The following RBFOX3 variants were observed in gnomAD, a reference collection of about 807,000 sequenced individuals.
The protein encoded by RBFOX3 is RNA binding protein fox-1 homolog 3.
RBFOX3 carries 17 observed loss-of-function variants against 48.7 expected under a neutral mutation model. The ratio of observed to expected loss-of-function variants is 0.35; its 90% CI spans 0.24 to 0.52. The LOEUF (loss-of-function observed/expected upper bound fraction) is 0.52. RBFOX3 is among the 20% of genes least tolerant of loss of function. The pLI is 0.94. For synonymous variants in RBFOX3, 212 were observed against 209.5 expected (o/e 1.01, Z -0.10); for missense variants, 382 against 497.5 (o/e 0.77, Z 2.21).
At chr17:79,659,191 C>G in the RBFOX3 span, among the ~76,000 whole-genome samples, 1 of 152,184 alleles carries the variant, frequency 6.6e-6, no homozygotes, top group Non-Finnish European at 1.5e-5. Flanking sequence ...CCGTCTACAA[C>G]CCCCTAACCC....
intron 2 of RBFOX3, among the ~76,000 whole-genome samples, chr17:79,381,123 G>A (rs1242611934): frequency 6.6e-6 from 1 of 152,102 alleles, no homozygotes; most frequent in African/African-American, 2.4e-5. Flanking sequence ...AGCCGGGCAT[G>A]GTGGTGTGTG....
intron 1 of RBFOX3, among the ~76,000 whole-genome samples, chr17:79,544,045 G>T (rs2090071337): frequency 6.6e-6 from 1 of 152,198 alleles, no homozygotes; most frequent in Non-Finnish European, 1.5e-5. Context: ...TGGGCATTGA[G>T]AGCTCCTTTC....
chr17:79,514,984 G>A (rs1002873430), intron 1 of RBFOX3, among the ~76,000 whole-genome samples: 16 of 152,128 alleles, frequency 1.1e-4, no homozygotes, highest in Admixed American at 2.0e-4. Context: ...CCCTAGAGCC[G>A]TCACCTCTTT....
intron 1 of RBFOX3, among the ~76,000 whole-genome samples, chr17:79,494,995 G>A (rs1437105633): frequency 6.6e-6 from 1 of 152,160 alleles, no homozygotes; most frequent in Non-Finnish European, 1.5e-5. Context: ...TTTGGGGGTG[G>A]CTGTCTGTCC....
chr17:79,104,754 G>A (rs2146587345), intron 6 of RBFOX3, among the ~76,000 whole-genome samples: 1 of 152,268 alleles, frequency 6.6e-6, no homozygotes, highest in South Asian at 2.1e-4. Flanking sequence ...AGGACCCCTG[G>A]TTGGGAAATG....
At chr17:79,402,531 G>A (rs1027769706) in intron 2 of RBFOX3, among the ~76,000 whole-genome samples, 2 of 152,214 alleles carry the variant, frequency 1.3e-5, no homozygotes, top group Non-Finnish European at 2.9e-5. Context: ...CCGCTGGAGT[G>A]AGCGCAGGGG....
intron 1 of RBFOX3, chr17:79,600,135 A>G: frequency 6.6e-6 from 1 of 152,360 alleles, no homozygotes; most frequent in South Asian, 2.1e-4. Flanking sequence ...GTTTAAAGAC[A>G]CAAGTGGAGC....
intron 3 of RBFOX3, among the ~76,000 whole-genome samples, chr17:79,282,989 C>T (rs2070942410): frequency 2.0e-5 from 3 of 151,798 alleles, no homozygotes; most frequent in Admixed American, 2.0e-4. Context: ...GGAACAGAAC[C>T]AAATTGAAAA....
rs371905922 is a variant in RBFOX3 at position 79,090,970 on chromosome 17, G to A, written c.1078-85C>T. 3.6e-6 allele frequency: 5 copies of A among 1,399,120 alleles called. No homozygotes were observed. The East Asian group carries it at 7.6e-5, about 21-fold the overall frequency. 86.7% of individuals were successfully genotyped at this position (1,399,120 alleles called of 1,614,324 possible). A position where few individuals can be genotyped will look rare whatever the true frequency, so the allele number is the denominator to read the frequency against. ...AAGGCGACAGGACCACGTGGCACGG[G>A]GCCCCTGGCCTAAAGTCCTGGCGCC... On this transcript the variant is annotated intron_variant, in intron 14 of 14. Coordinates refer to ENST00000693108, the MANE Select transcript of RBFOX3 (RefSeq NM_001350451.2).
intron 1 of RBFOX3, among the ~76,000 whole-genome samples, chr17:79,539,229 G>A (rs1327911388): frequency 4.6e-5 from 7 of 152,138 alleles, no homozygotes; most frequent in South Asian, 4.1e-4. Context: ...GCACATACCT[G>A]TAGTCCCAGC....
Position 79,195,592 on chromosome 17 carries a change from A to G in RBFOX3, c.-34+40174T>C, listed in dbSNP as rs969119232. Among the ~76,000 whole-genome samples the G allele has an allele frequency of 2.6e-5, 4 of 152,112 alleles. No individual in the cohort carries two copies. Among genetic ancestry groups the G allele is most frequent in the African/African-American group, 4.8e-5 (2 of 41,412 alleles). On this transcript the variant is annotated intron_variant, in intron 4 of 14. Coordinates refer to ENST00000693108, the MANE Select transcript of RBFOX3 (RefSeq NM_001350451.2). This position sits in a 1 kb window ranked among gnomAD's most constrained non-coding sequence, Gnocchi z 5.3. ...CTTGGTTTCTGTCTGCTCTATCCTG[A>G]TATCTGAGACTGGGGCCTCCTTATT...
chr17:79,460,583 G>T (rs1157747437), intron 2 of RBFOX3, among the ~76,000 whole-genome samples: 1 of 152,220 alleles, frequency 6.6e-6, no homozygotes, highest in Non-Finnish European at 1.5e-5. Flanking sequence ...TATGTCTCCT[G>T]AAGTTCACGT....
intron 4 of RBFOX3, among the ~76,000 whole-genome samples, chr17:79,159,483 C>T (rs543186774): frequency 2.1e-4 from 32 of 152,300 alleles, no homozygotes; most frequent in Middle Eastern, 3.4e-3. Context: ...GGACTCCACA[C>T]GCATCTGTGG....
At chr17:79,215,846 T>A (rs1448422768) in intron 4 of RBFOX3, among the ~76,000 whole-genome samples, 2 of 152,242 alleles carry the variant, frequency 1.3e-5, no homozygotes, top group Non-Finnish European at 2.9e-5. Flanking sequence ...GCTCAATGTG[T>A]CCTTTGCTTT....
rs80255298 is a variant in RBFOX3 at position 79,323,448 on chromosome 17, A to G, written c.-174-15624T>C. On this transcript the variant is annotated intron_variant, in intron 2 of 14. Coordinates refer to ENST00000693108, the MANE Select transcript of RBFOX3 (RefSeq NM_001350451.2). ...TGGAGACACGAGAGATGGTTGCGAG[A>G]GGTCCACTGTTTTGTGAAGTGAGTT... Among the ~76,000 whole-genome samples, 1,034 of 152,292 alleles carry G rather than the reference A, an allele frequency of 6.8e-3. 73 individuals are homozygous for G. The East Asian group carries it at 0.16, about 24-fold the overall frequency.
chr17:79,316,464 C>T (rs1161556759), intron 2 of RBFOX3, among the ~76,000 whole-genome samples: 1 of 152,200 alleles, frequency 6.6e-6, no homozygotes, highest in Non-Finnish European at 1.5e-5. Context: ...ACCTCTGCTC[C>T]CAGCCAGGGA....
At chr17:79,620,152 C>CAT in the RBFOX3 span, among the ~76,000 whole-genome samples, 1 of 79,540 alleles carries the variant, frequency 1.3e-5, no homozygotes, top group African/African-American at 5.4e-5. Context: ...CACACACATG[C>CAT]ACGCGCGGAC....
intron 2 of RBFOX3, among the ~76,000 whole-genome samples, chr17:79,463,832 GCCA>G (rs2075942079): frequency 8.4e-6 from 1 of 119,112 alleles, no homozygotes; most frequent in Non-Finnish European, 1.7e-5. Context: ...CATCACCACT[GCCA>G]CCACCACCAT....
At chr17:79,663,058 T>G in the RBFOX3 span, among the ~76,000 whole-genome samples, 1 of 152,194 alleles carries the variant, frequency 6.6e-6, no homozygotes, top group East Asian at 1.9e-4. Flanking sequence ...CCCTGGCATT[T>G]CCTATAATTA....
Sources: allele counts gnomAD v4.1 joint callset (sites outside exome capture counted in the v4.1 genomes callset), GRCh38; gene constraint gnomAD v4.1.1; non-coding constraint Gnocchi (gnomAD v3.1); transcripts MANE v1.5; gene names NCBI Gene and HGNC (gene_info 2026-07-23, HGNC 2026-07-21).